PSD3: variants seen among roughly 807,000 people sequenced by gnomAD.
The protein encoded by PSD3 is pleckstrin and Sec7 domain containing 3, also known as PH and SEC7 domain-containing protein 3.
In PSD3, 49 loss-of-function variants were observed where a neutral mutation model predicts 105.5. The ratio of observed to expected loss-of-function variants is 0.46; its 90% CI spans 0.37 to 0.59. The LOEUF (loss-of-function observed/expected upper bound fraction) is 0.59. Ranked by LOEUF, PSD3 falls within the 20% of genes least tolerant of loss-of-function variation. PSD3 has a pLI of 0.00. For synonymous variants in PSD3, 557 were observed against 457.8 expected (o/e 1.22, Z -2.77); for missense variants, 1,561 against 1,263.8 (o/e 1.24, Z -3.57).
chr8:18,658,524 CT>C (rs35569508), intron 9 of PSD3, among the ~76,000 whole-genome samples: 32,155 of 137,934 alleles, frequency 0.23, 3,509 homozygotes, highest in African/African-American at 0.32. Flanking sequence ...CTATATAATT[CT>C]TTTTTTTTTT....
chr8:18,777,167 C>A (rs367583691), intron 8 of PSD3, among the ~76,000 whole-genome samples: 2 of 151,970 alleles, frequency 1.3e-5, no homozygotes, highest in Non-Finnish European at 2.9e-5. Flanking sequence ...CTCAGCCTCC[C>A]GTGTAGCTGG....
intron 12 of PSD3, among the ~76,000 whole-genome samples, chr8:18,586,467 TCTTGATG>T (rs1295942762): frequency 6.6e-6 from 1 of 152,152 alleles, no homozygotes; most frequent in Non-Finnish European, 1.5e-5. Flanking sequence ...AGTTGAGAAG[TCTTGATG>T]AAAGGCTTAA....
chr8:18,914,202 A>AAG (rs1820430620), intron 2 of PSD3, among the ~76,000 whole-genome samples: 2 of 151,666 alleles, frequency 1.3e-5, no homozygotes, highest in African/African-American at 4.8e-5. Context: ...TGATAAAGAA[A>AAG]AAAAAAAAAA....
chr8:18,568,825 T>C (rs1801960101), intron 14 of PSD3, among the ~76,000 whole-genome samples: 1 of 151,720 alleles, frequency 6.6e-6, no homozygotes, highest in Non-Finnish European at 1.5e-5. Context: ...CATCTAGCAT[T>C]AGGTATATCT....
At chr8:18,994,590 G>T (rs1417970380) in intron 1 of PSD3, among the ~76,000 whole-genome samples, 2 of 151,984 alleles carry the variant, frequency 1.3e-5, no homozygotes, top group East Asian at 1.9e-4. Context: ...ATATAGGCCA[G>T]ATTTCTAAGT....
chr8:18,559,086 C>T (rs1181240639), intron 14 of PSD3, among the ~76,000 whole-genome samples: 1 of 152,114 alleles, frequency 6.6e-6, no homozygotes, highest in Non-Finnish European at 1.5e-5. Context: ...GATGTTGCAA[C>T]AGACATTCTT....
intron 8 of PSD3, among the ~76,000 whole-genome samples, chr8:18,782,155 G>A (rs1808696712): frequency 6.6e-6 from 1 of 151,866 alleles, no homozygotes; most frequent in Non-Finnish European, 1.5e-5. Flanking sequence ...TCATTTTCAG[G>A]TATTTCATAG....
intron 2 of PSD3, among the ~76,000 whole-genome samples, chr8:18,930,614 G>C (rs908183198): frequency 3.4e-5 from 5 of 148,940 alleles, no homozygotes; most frequent in African/African-American, 5.0e-5. Flanking sequence ...TCTGTTGCCA[G>C]GCTAGAGTAC....
At chr8:18,958,058 G>C (rs1412912892) in intron 1 of PSD3, among the ~76,000 whole-genome samples, 1 of 152,074 alleles carries the variant, frequency 6.6e-6, no homozygotes, top group Non-Finnish European at 1.5e-5. Context: ...ATACCAAAGA[G>C]GAAGGTACAA....
chr8:18,902,660 G>T (rs1052178220), intron 2 of PSD3, among the ~76,000 whole-genome samples: 1 of 152,132 alleles, frequency 6.6e-6, no homozygotes, highest in Non-Finnish European at 1.5e-5. Context: ...ACTGGCTTTT[G>T]TACAGAAAGA....
At chr8:18,954,718 C>T (rs189542560) in intron 1 of PSD3, among the ~76,000 whole-genome samples, 1 of 152,218 alleles carries the variant, frequency 6.6e-6, no homozygotes, top group Admixed American at 6.5e-5. Context: ...CTGAGAATTC[C>T]TTGAAACCTC....
intron 1 of PSD3, among the ~76,000 whole-genome samples, chr8:18,949,244 A>AAAAAAAATATATATATAT (rs1345423514): frequency 6.9e-5 from 1 of 14,406 alleles, no homozygotes; most frequent in Non-Finnish European, 1.8e-4. Context: ...AAAAAAAAAA[A>AAAAAAAATATATATATAT]ATATATATAT....
At chr8:18,566,448 C>T (rs1487443064) in intron 14 of PSD3, among the ~76,000 whole-genome samples, 1 of 150,832 alleles carries the variant, frequency 6.6e-6, no homozygotes, top group Non-Finnish European at 1.5e-5. Flanking sequence ...ATGGCATGAA[C>T]CCGGGAGGTG....
Position 18,623,448 on chromosome 8 carries a change from C to CAAAAA in PSD3, c.2410+9160_2410+9164dup, listed in dbSNP as rs1415289898. Among the ~76,000 whole-genome samples the CAAAAA allele has an allele frequency of 1.2e-3, 81 of 67,204 alleles. 8 individuals are homozygous for CAAAAA. Among genetic ancestry groups the CAAAAA allele is most frequent in the East Asian group, 2.6e-3 (5 of 1,948 alleles). The allele number at this position is 67,204 out of a possible 152,430, so 44.1% of individuals were successfully genotyped here. A position where few individuals can be genotyped will look rare whatever the true frequency, so the allele number is the denominator to read the frequency against. On this transcript the variant is annotated intron_variant, in intron 11 of 15. Coordinates refer to ENST00000327040, the MANE Select transcript of PSD3 (RefSeq NM_015310.4). ...GCAATATAGTCAGCCCCCGTCTCCC[C>CAAAAA]AAAAAAAAAAAAAAAAAAAAAAGAA...
At chr8:18,565,122 CAT>C (rs1176682548) in intron 14 of PSD3, among the ~76,000 whole-genome samples, 1 of 152,088 alleles carries the variant, frequency 6.6e-6, no homozygotes, top group Admixed American at 6.6e-5. Flanking sequence ...AAGAAACACA[CAT>C]GTGTCCCTGA....
intron 1 of PSD3, among the ~76,000 whole-genome samples, chr8:19,033,726 C>T (rs1287964583): frequency 6.6e-6 from 1 of 151,908 alleles, no homozygotes; most frequent in African/African-American, 2.4e-5. Flanking sequence ...AGCAGCACTC[C>T]CAGGAATTGA....
At chr8:18,559,678 G>C (rs1423371456) in intron 14 of PSD3, among the ~76,000 whole-genome samples, 1 of 151,906 alleles carries the variant, frequency 6.6e-6, no homozygotes, top group Non-Finnish European at 1.5e-5. Context: ...TCAGATGTTT[G>C]CTTCTTCTAA....
intron 9 of PSD3, chr8:18,732,928 C>G (rs1803874054): frequency 6.6e-6 from 1 of 151,972 alleles, no homozygotes; most frequent in Non-Finnish European, 1.5e-5. Context: ...GACGAAGTAC[C>G]TTGCCTACAC....
intron 15 of PSD3, among the ~76,000 whole-genome samples, chr8:18,550,998 G>C (rs1000211847): frequency 2.0e-5 from 3 of 152,096 alleles, no homozygotes; most frequent in Non-Finnish European, 4.4e-5. Flanking sequence ...GCTTTCGCTA[G>C]GAAGACCAAG....
Sources: allele counts gnomAD v4.1 joint callset (sites outside exome capture counted in the v4.1 genomes callset), GRCh38; gene constraint gnomAD v4.1.1; transcripts MANE v1.5; gene names NCBI Gene and HGNC (gene_info 2026-07-23, HGNC 2026-07-21).